Variants in EPHA3 observed in about 807,000 individuals in gnomAD.
EPHA3 encodes EPH receptor A3.
A neutral mutation model predicts 107.1 loss-of-function variants in EPHA3; 42 were observed. That is an observed-to-expected ratio of 0.39 (90% CI 0.31 to 0.51). The LOEUF is 0.51. EPHA3 is among the 20% of genes least tolerant of loss of function. The pLI is 0.78. For missense variants in EPHA3, 1,183 were observed against 1,211.2 expected (o/e 0.98, Z 0.35); for synonymous variants, 461 against 424.8 (o/e 1.09, Z -1.05).
chr3:89,277,498 A>G (rs1198198472), intron 3 of EPHA3, among the ~76,000 whole-genome samples: 1 of 152,148 alleles, frequency 6.6e-6, no homozygotes, highest in African/African-American at 2.4e-5. Context: ...TTAGTTCAGA[A>G]CTAGATAGCA....
chr3:89,456,799 G>A (rs1229922450), intron 15 of EPHA3, among the ~76,000 whole-genome samples: 1 of 152,176 alleles, frequency 6.6e-6, no homozygotes, highest in African/African-American at 2.4e-5. Flanking sequence ...TAAATCAGAG[G>A]AGATGTGAGG....
chr3:89,342,622 T>A (rs1251361035), intron 5 of EPHA3, among the ~76,000 whole-genome samples: 2 of 152,138 alleles, frequency 1.3e-5, no homozygotes, highest in African/African-American at 4.8e-5. Flanking sequence ...CTCTCAAACA[T>A]ATAAATGGAT....
intron 2 of EPHA3, among the ~76,000 whole-genome samples, chr3:89,171,388 T>G (rs1705205752): frequency 6.6e-6 from 1 of 152,212 alleles, no homozygotes; most frequent in Admixed American, 6.5e-5. Context: ...AAGGTGATAC[T>G]GTCTTTAAGT....
chr3:89,197,190 A>T (rs1388301161), intron 2 of EPHA3, among the ~76,000 whole-genome samples: 2 of 152,210 alleles, frequency 1.3e-5, no homozygotes, highest in Non-Finnish European at 2.9e-5. Flanking sequence ...ATGTTTCATG[A>T]CATCTTGATC....
In EPHA3 at chr3:89,107,864, C is replaced by CT; in HGVS notation, c.88+29dup. ...AAGCCAGGTACCGCGACGCACGGAG[C>CT]TCTGCCCCGCGGGGCTCACGCTCTT... On this transcript the variant is annotated intron_variant, in intron 1 of 16. Transcript: ENST00000336596. The CT allele has an allele frequency of 2.5e-6, 4 of 1,606,088 alleles. No individual in the cohort carries two copies. The South Asian group carries it at 4.4e-5, about 18-fold the overall frequency.
rs548438458 is a variant in EPHA3 at position 89,165,125 on chromosome 3, T to C, written c.153+37852T>C. On this transcript the variant is annotated intron_variant, in intron 2 of 16. Transcript: ENST00000336596. Reference sequence around the variant, plus strand: ...ATTAATACAGGAGACATTTTGTAAGTGATTCTAATGCAACAACATTCTAGA... The same window carrying C: ...ATTAATACAGGAGACATTTTGTAAGCGATTCTAATGCAACAACATTCTAGA... Among the ~76,000 whole-genome samples, 9 of 152,330 alleles carry C rather than the reference T, an allele frequency of 5.9e-5. No homozygotes were observed. The South Asian group carries it at 1.9e-3, about 32-fold the overall frequency.
chr3:89,190,817 C>T (rs1220247165), intron 2 of EPHA3, among the ~76,000 whole-genome samples: 2 of 152,062 alleles, frequency 1.3e-5, no homozygotes, highest in African/African-American at 4.8e-5. Flanking sequence ...TTCACATTGT[C>T]TTCCCTCAAT....
intron 5 of EPHA3, among the ~76,000 whole-genome samples, chr3:89,345,807 C>T (rs1196666275): frequency 7.7e-6 from 1 of 130,454 alleles, no homozygotes; most frequent in African/African-American, 2.8e-5. Flanking sequence ...TGATATTCCC[C>T]TTCCTGTGTC....
At chr3:89,243,000 C>T (rs890151402) in intron 3 of EPHA3, among the ~76,000 whole-genome samples, 13 of 145,988 alleles carry the variant, frequency 8.9e-5, no homozygotes, top group African/African-American at 1.3e-4. Flanking sequence ...TAAGAACATG[C>T]GGTGTTTGGT....
intron 3 of EPHA3, among the ~76,000 whole-genome samples, chr3:89,256,387 A>G (rs551065726): frequency 6.6e-6 from 1 of 151,644 alleles, no homozygotes; most frequent in East Asian, 1.9e-4. Flanking sequence ...CCTGGCCAAC[A>G]TGGTGAAACC....
chr3:89,300,401 A>G (rs774837558), intron 3 of EPHA3, among the ~76,000 whole-genome samples: 1 of 152,044 alleles, frequency 6.6e-6, no homozygotes, highest in Non-Finnish European at 1.5e-5. Context: ...AAAGTTTGAT[A>G]TATTGACAAT....
intron 3 of EPHA3, among the ~76,000 whole-genome samples, chr3:89,287,646 G>C (rs557466821): frequency 1.3e-5 from 2 of 152,070 alleles, no homozygotes; most frequent in South Asian, 4.1e-4. Flanking sequence ...AAGAAAATAA[G>C]GAAGAGTGAG....
At chr3:89,222,514 AAT>A (rs1407953635) in intron 3 of EPHA3, among the ~76,000 whole-genome samples, 1 of 149,306 alleles carries the variant, frequency 6.7e-6, no homozygotes, top group African/African-American at 2.4e-5. Flanking sequence ...AATATATATA[AAT>A]ATATGTATGT....
At chr3:89,359,634 A>G (rs1266421667) in intron 5 of EPHA3, among the ~76,000 whole-genome samples, 2 of 149,560 alleles carry the variant, frequency 1.3e-5, no homozygotes, top group Non-Finnish European at 3.0e-5. Context: ...TACTATCAGT[A>G]GCCATTTCTT....
intron 2 of EPHA3, among the ~76,000 whole-genome samples, chr3:89,207,828 A>G (rs766536025): frequency 2.0e-5 from 3 of 150,482 alleles, no homozygotes; most frequent in Non-Finnish European, 2.9e-5. Context: ...AAGAAAAATA[A>G]TATTTGTGCA....
At chr3:89,375,640 C>A (rs184370734) in intron 5 of EPHA3, among the ~76,000 whole-genome samples, 1 of 151,908 alleles carries the variant, frequency 6.6e-6, no homozygotes, top group African/African-American at 2.4e-5. Flanking sequence ...ATCCCCAAGA[C>A]TTCCAGCCTA....
intron 15 of EPHA3, among the ~76,000 whole-genome samples, chr3:89,457,779 G>A (rs1211814853): frequency 2.0e-5 from 3 of 152,230 alleles, no homozygotes; most frequent in African/African-American, 7.2e-5. Flanking sequence ...AAGGGCTGGA[G>A]ATGAAGGGAT....
intron 5 of EPHA3, among the ~76,000 whole-genome samples, chr3:89,360,440 A>C (rs73846152): frequency 0.092 from 13,945 of 150,870 alleles, 2,215 homozygotes; most frequent in African/African-American, 0.32. Flanking sequence ...GGATCACTAA[A>C]CCACAGGCCA....
chr3:89,202,793 T>A (rs1241689945), intron 2 of EPHA3, among the ~76,000 whole-genome samples: 1 of 152,120 alleles, frequency 6.6e-6, no homozygotes, highest in Non-Finnish European at 1.5e-5. Flanking sequence ...AGTATAAATA[T>A]GTGATTGAAA....
Sources: allele counts gnomAD v4.1 joint callset (sites outside exome capture counted in the v4.1 genomes callset), GRCh38; gene constraint gnomAD v4.1.1; transcripts MANE v1.5; gene names NCBI Gene and HGNC (gene_info 2026-07-23, HGNC 2026-07-21).